Variants in DOCK2 observed in about 807,000 individuals in gnomAD.
The protein encoded by DOCK2 is dedicator of cytokinesis protein 2.
Under a neutral mutation model 248.9 loss-of-function variants are expected in DOCK2, and 87 were observed. The ratio of observed to expected loss-of-function variants is 0.35; its 90% CI spans 0.29 to 0.42. The LOEUF (loss-of-function observed/expected upper bound fraction) is 0.42. Among genes scored for constraint, DOCK2 ranks in the 10% least tolerant of loss-of-function variants. DOCK2 has a pLI of 1.00. For missense variants in DOCK2, 1,747 were observed against 2,300.2 expected, an observed-to-expected ratio of 0.76 and a Z score of 4.92; for synonymous variants, 805 against 821.6, an observed-to-expected ratio of 0.98 and a Z score of 0.35.
At chr5:169,942,845 G>T (rs1776296400) in intron 27 of DOCK2, among the ~76,000 whole-genome samples, 1 of 152,194 alleles carries the variant, frequency 6.6e-6, no homozygotes, top group African/African-American at 2.4e-5. Flanking sequence ...CTTCCTTTCA[G>T]CCTTGACCAC....
chr5:169,703,578 T>C (rs264844), intron 14 of DOCK2, among the ~76,000 whole-genome samples: 12,517 of 152,232 alleles, frequency 0.082, 1,354 homozygotes, highest in African/African-American at 0.25. Context: ...TAATAACCAC[T>C]GCTGGCAAAT....
At position 169,864,243 on chromosome 5, in the gene DOCK2, T is replaced by G. The variant is rs1269532508; in HGVS notation, c.2799+23391T>G. On this transcript the variant is annotated intron_variant, in intron 27 of 51. Transcript: ENST00000520908. ...TCCCATCTCAGGGAAGTGCGTGGAG[T>G]TGGGGGGCTGGGGGATGGTCCCAAC... 3 of 1,538,806 alleles carry G rather than the reference T, an allele frequency of 1.9e-6. No individual in the cohort carries two copies. In the East Asian group the frequency reaches 7.3e-5, roughly 38 times the overall value.
At chr5:169,873,469 G>A (rs771847231) in intron 27 of DOCK2, among the ~76,000 whole-genome samples, 1 of 152,318 alleles carries the variant, frequency 6.6e-6, no homozygotes, top group Middle Eastern at 3.4e-3. Context: ...TTTGATGAGA[G>A]CTGCAAATGC....
chr5:170,061,331 C>G lies in DOCK2; in HGVS notation c.4467+3665C>G, dbSNP rs186133200. Among the ~76,000 whole-genome samples the G allele has an allele frequency of 2.5e-3, 385 of 152,336 alleles. 2 individuals are homozygous for G. Among genetic ancestry groups the G allele is most frequent in the Non-Finnish European group, 3.9e-3 (264 of 68,034 alleles). The stretch of plus-strand genomic sequence containing the variant: ...CTTGATTTACGTGTAGTAGAAGAAG[C>G]CTGCCTTTGGAATCACAAATACCCG... On this transcript the variant is annotated intron_variant, in intron 44 of 51. Transcript: ENST00000520908.
chr5:169,710,994 C>T (rs1761551372), intron 15 of DOCK2, among the ~76,000 whole-genome samples: 2 of 152,180 alleles, frequency 1.3e-5, no homozygotes, highest in South Asian at 4.1e-4. Context: ...ATGATTGTAG[C>T]TTCTAGTGAA....
intron 25 of DOCK2, among the ~76,000 whole-genome samples, chr5:169,801,749 G>A (rs1561709797): frequency 6.6e-6 from 1 of 151,722 alleles, no homozygotes; most frequent in African/African-American, 2.4e-5. Flanking sequence ...CAGAATAAGA[G>A]ATGTCCTCTA....
At chr5:169,923,027 A>G (rs1775257659) in intron 27 of DOCK2, among the ~76,000 whole-genome samples, 2 of 152,224 alleles carry the variant, frequency 1.3e-5, no homozygotes, top group African/African-American at 4.8e-5. Flanking sequence ...CGTATTTCAC[A>G]GATGTGGAAA....
intron 33 of DOCK2, among the ~76,000 whole-genome samples, chr5:170,022,507 A>G (rs1484528191): frequency 6.7e-6 from 1 of 150,174 alleles, no homozygotes; most frequent in East Asian, 2.0e-4. Flanking sequence ...ATCCCAGACC[A>G]TCTCGGGGGT....
intron 26 of DOCK2, among the ~76,000 whole-genome samples, chr5:169,838,037 TG>T (rs1769698817): frequency 6.6e-6 from 1 of 152,074 alleles, no homozygotes; most frequent in South Asian, 2.1e-4. Context: ...ATAAATTTGA[TG>T]AAATTGCAAA....
chr5:169,756,836 A>G (rs558371690), intron 23 of DOCK2, among the ~76,000 whole-genome samples: 1 of 152,128 alleles, frequency 6.6e-6, no homozygotes, highest in Admixed American at 6.5e-5. Context: ...GAGGCAGGAG[A>G]ATCGCTTGAA....
chr5:169,651,754 C>T (rs970143077), intron 1 of DOCK2, among the ~76,000 whole-genome samples: 28 of 152,196 alleles, frequency 1.8e-4, no homozygotes, highest in African/African-American at 6.3e-4. Flanking sequence ...AGGCCAAGTG[C>T]GGAGGGAATG....
chr5:169,963,351 A>G (rs779016975), intron 27 of DOCK2, among the ~76,000 whole-genome samples: 4 of 152,266 alleles, frequency 2.6e-5, no homozygotes, highest in Non-Finnish European at 4.4e-5. Flanking sequence ...CAGGAACTCA[A>G]TCTCAGCCTT....
intron 27 of DOCK2, among the ~76,000 whole-genome samples, chr5:169,887,874 A>G (rs1773062009): frequency 6.6e-6 from 1 of 152,320 alleles, no homozygotes; most frequent in Admixed American, 6.5e-5. Context: ...GTCTTTCACC[A>G]GAACCTCTTT....
At chr5:169,881,237 T>C (rs564471847) in intron 27 of DOCK2, 4 of 714,048 alleles carry the variant, frequency 5.6e-6, no homozygotes, top group Middle Eastern at 2.4e-4. Context: ...TGGAACCAGA[T>C]GTTAACATTT....
At position 169,761,548 on chromosome 5, in the gene DOCK2, T is replaced by A. The variant is rs1422312769; in HGVS notation, c.2477T>A (p.Ile826Asn). 4 of 1,614,076 alleles carry A rather than the reference T, an allele frequency of 2.5e-6. No individual in the cohort carries two copies. Among genetic ancestry groups the A allele is most frequent in the Non-Finnish European group, 3.4e-6 (4 of 1,179,948 alleles). The change falls in exon 25 of 52, where the codon ATC (isoleucine) becomes AAC (asparagine). Residue 826 changes from isoleucine to asparagine, a missense_variant. Ile to Asn is a moderately radical substitution (Grantham distance 149, BLOSUM62 -3). Transcript: ENST00000520908. The stretch of plus-strand genomic sequence containing the variant: ...CTCCTGTATGAGTTCTACACCTGCA[T>A]CCCTCCTGTGAAACTCCAGAAGCAG... Reference protein sequence around the residue: ...SQLLYEFYTCIPPVKLQKQKV... With the variant: ...SQLLYEFYTCNPPVKLQKQKV...
chr5:170,057,451 T>A (rs1407720522), intron 43 of DOCK2, 129 bp from the exon 44 acceptor site: 4 of 756,876 alleles, frequency 5.3e-6, no homozygotes, highest in Non-Finnish European at 9.4e-6. Flanking sequence ...CTTGCAATAT[T>A]TATTCTGCTT....
At chr5:169,692,647 C>T (rs1007994389) in intron 9 of DOCK2, among the ~76,000 whole-genome samples, 3 of 152,090 alleles carry the variant, frequency 2.0e-5, no homozygotes, top group African/African-American at 7.2e-5. Flanking sequence ...TGGGAATCTT[C>T]TAGGTTTATG....
At chr5:169,966,550 A>G (rs1009270023) in intron 27 of DOCK2, among the ~76,000 whole-genome samples, 1 of 152,196 alleles carries the variant, frequency 6.6e-6, no homozygotes, top group East Asian at 1.9e-4. Flanking sequence ...CAATAATTGG[A>G]GGAGCTGGGA....
chr5:170,036,723 T>C (rs1323140424), intron 36 of DOCK2, among the ~76,000 whole-genome samples, 168 bp downstream of exon 36: 1 of 152,214 alleles, frequency 6.6e-6, no homozygotes, highest in Non-Finnish European at 1.5e-5. Context: ...TTCCTTTCAT[T>C]CTCCCACAGT....
Sources: gnomAD v4.1 joint callset for allele counts (sites outside exome capture counted in the v4.1 genomes callset) on GRCh38, gnomAD v4.1.1 for gene constraint, MANE v1.5 for transcripts, NCBI Gene and HGNC (gene_info 2026-07-23, HGNC 2026-07-21) for gene names.